ASB14: variants seen among roughly 807,000 people sequenced by gnomAD.
ASB14 encodes ankyrin repeat and SOCS box containing 14, also known as ankyrin repeat and SOCS box protein 14.
A neutral mutation model predicts 55.6 loss-of-function variants in ASB14; 63 were observed. The ratio of observed to expected loss-of-function variants is 1.13; its 90% CI spans 0.92 to 1.40. ASB14 has a LOEUF of 1.40. Ranked by LOEUF, ASB14 falls within the 40% of genes most tolerant of loss-of-function variation. The pLI is 0.00. For synonymous variants in ASB14, 256 were observed against 259.9 expected (o/e 0.98, Z 0.15); for missense variants, 724 against 710.4 (o/e 1.02, Z -0.22).
chr3:57,279,928 G>C (rs749648879), intron 7 of ASB14, among the ~76,000 whole-genome samples: 3 of 152,024 alleles, frequency 2.0e-5, no homozygotes, highest in African/African-American at 7.3e-5. Flanking sequence ...GGGGGGAACC[G>C]TGTTAATTAC....
In ASB14 at chr3:57,292,050, T is replaced by TTTA; in HGVS notation, c.-20_-18dup. 1.3e-6 allele frequency: 2 copies of TTTA among 1,532,984 alleles called. No homozygotes were observed. 95.0% of individuals were successfully genotyped at this position (1,532,984 alleles called of 1,614,324 possible). On this transcript the variant is annotated 5_prime_UTR_variant, in exon 2 of 11. Coordinates refer to ENST00000487349, the MANE Select transcript of ASB14 (RefSeq NM_001142733.3). ...ATTATCCATGTGAAACGTGGACAGG[T>TTTA]TTACTTTAAAGTCAGAGTGAATTAA...
At chr3:57,289,879 C>T (rs569771987) in intron 2 of ASB14, among the ~76,000 whole-genome samples, 1 of 151,940 alleles carries the variant, frequency 6.6e-6, no homozygotes, top group Non-Finnish European at 1.5e-5. Flanking sequence ...GATCTCCTGA[C>T]CTCGTGATCT....
chr3:57,285,465 G>A (rs2107627287), intron 5 of ASB14, among the ~76,000 whole-genome samples: 1 of 152,166 alleles, frequency 6.6e-6, no homozygotes, highest in East Asian at 1.9e-4. Context: ...CATAGAAAAT[G>A]AGGATTTAAC....
intron 10 of ASB14, chr3:57,270,470 A>C (rs561994769): frequency 6.5e-6 from 1 of 152,764 alleles, no homozygotes; most frequent in South Asian, 2.1e-4. Flanking sequence ...ATTTTTGTTC[A>C]ATACATTTTA....
chr3:57,269,752 G>A, intron 10 of ASB14, 134 bp from the exon 11 acceptor site: 6 of 1,538,732 alleles, frequency 3.9e-6, no homozygotes, highest in Non-Finnish European at 5.4e-6. Context: ...ATGGCAGAAG[G>A]TAACAACTAT....
At chr3:57,290,531 T>C (rs2061120590) in intron 2 of ASB14, among the ~76,000 whole-genome samples, 1 of 152,210 alleles carries the variant, frequency 6.6e-6, no homozygotes, top group South Asian at 2.1e-4. Context: ...CATGTAAGGT[T>C]CCAGAAATTA....
At position 57,277,797 on chromosome 3, in the gene ASB14, C is replaced by T. The variant is rs367545007; in HGVS notation, c.1555G>A (p.Gly519Arg). 1.9e-6 allele frequency: 3 copies of T among 1,612,440 alleles called. No homozygotes were observed. Among genetic ancestry groups the T allele is most frequent in the Middle Eastern group, 1.7e-4 (1 of 6,056 alleles). ...ATAAAATGTATTTCTGACCAGATCC[C>T]CTGTTTTTGGAGCACAGCTTTCAAC... ...SKLKAVLQKQGIWSEIHFILT... is the reference protein window; with the variant it reads ...SKLKAVLQKQRIWSEIHFILT... The change falls in exon 9 of 11, where the codon GGG (glycine) becomes AGG (arginine). Residue 519 changes from glycine (G) to arginine (R), a missense_variant. Gly to Arg is a moderately radical substitution (Grantham distance 125, BLOSUM62 -2). Coordinates refer to ENST00000487349, the MANE Select transcript of ASB14 (RefSeq NM_001142733.3).
At chr3:57,284,530 G>A (rs927314464) in intron 5 of ASB14, among the ~76,000 whole-genome samples, 3 of 152,046 alleles carry the variant, frequency 2.0e-5, no homozygotes, top group Admixed American at 6.6e-5. Context: ...TTTTTAACCC[G>A]GCATTTTCCA....
intron 6 of ASB14, among the ~76,000 whole-genome samples, 187 bp from the exon 7 acceptor site, chr3:57,280,660 A>T (rs2061033048): frequency 1.3e-5 from 2 of 152,050 alleles, no homozygotes; most frequent in African/African-American, 4.8e-5. Context: ...GTTGGGGAAG[A>T]AAAAAATGGC....
At chr3:57,277,021 T>C (rs992095218) in intron 9 of ASB14, among the ~76,000 whole-genome samples, 4 of 152,086 alleles carry the variant, frequency 2.6e-5, no homozygotes, top group African/African-American at 9.7e-5. Flanking sequence ...ATCCCAGCAC[T>C]CTGGGAGGCC....
chr3:57,287,911 A>T lies in ASB14; in HGVS notation c.459T>A (p.Pro153=), dbSNP rs1579436227. The change falls in exon 5 of 11, where the codon CCT becomes CCA. Residue 153 remains proline, a synonymous_variant. Coordinates refer to ENST00000487349, the MANE Select transcript of ASB14 (RefSeq NM_001142733.3). The stretch of plus-strand genomic sequence containing the variant: ...AATGTATTCATTTACCTGCAAGAAG[A>T]GGAGAATTGCCTTCGAAATTCTTAG... ...PNAKNFEGNS[P]LLAAVLRDCY... is the part of the protein sequence containing the mutation. The T allele has an allele frequency of 1.3e-6, 2 of 1,537,146 alleles. No individual in the cohort carries two copies. Among genetic ancestry groups the T allele is most frequent in the East Asian group, 4.9e-5 (2 of 40,918 alleles).
At position 57,287,936 on chromosome 3, in the gene ASB14, G is replaced by A. The variant is rs140921847; in HGVS notation, c.434C>T (p.Ala145Val). Residue 145 changes from alanine to valine, a missense_variant, in exon 5 of 11, where the codon GCT (alanine) becomes GTT (valine). Transcript: ENST00000487349. ...FLLLNGCNPN[A>V]KNFEGNSPLL... is the part of the protein sequence containing the mutation. ...AGGAGAATTGCCTTCGAAATTCTTAGCATTTGGATTGCAGCCATTGAGAAG... is the reference window on the plus strand; with the variant it reads ...AGGAGAATTGCCTTCGAAATTCTTAACATTTGGATTGCAGCCATTGAGAAG... The A allele has an allele frequency of 9.1e-6, 14 of 1,537,254 alleles. No homozygotes were observed. The highest frequency in any genetic ancestry group is 1.0e-5 in the Non-Finnish European group (12 of 1,146,896).
intron 2 of ASB14, among the ~76,000 whole-genome samples, chr3:57,290,714 AAT>A (rs949673822): frequency 1.3e-5 from 2 of 152,234 alleles, no homozygotes; most frequent in African/African-American, 4.8e-5. Flanking sequence ...GAAACATTTC[AAT>A]ACTCTCCTTA....
intron 10 of ASB14, among the ~76,000 whole-genome samples, chr3:57,275,145 T>A (rs914323763): frequency 3.3e-5 from 5 of 152,090 alleles, no homozygotes; most frequent in African/African-American, 7.2e-5. Flanking sequence ...TTCAGTTACC[T>A]GCGGCCCAAA....
chr3:57,283,447 A>T lies in ASB14; in HGVS notation c.470-8T>A, dbSNP rs2061054857. 1 of 1,550,170 alleles carries T rather than the reference A, an allele frequency of 6.5e-7. No homozygotes were observed. Among genetic ancestry groups the T allele is most frequent in the African/African-American group, 1.4e-5 (1 of 73,022 alleles). On this transcript the variant is annotated splice_region_variant and splice_polypyrimidine_tract_variant and intron_variant, in intron 5 of 10. Coordinates refer to ENST00000487349, the MANE Select transcript of ASB14 (RefSeq NM_001142733.3). The stretch of plus-strand genomic sequence containing the variant: ...AGCAGTCACGCAGCACAGCTGGGAA[A>T]TGAGAAGTGTGGTGGGCATGTTCAA...
At chr3:57,287,401 T>G (rs942027276) in intron 5 of ASB14, among the ~76,000 whole-genome samples, 4 of 152,078 alleles carry the variant, frequency 2.6e-5, no homozygotes, top group African/African-American at 9.7e-5. Flanking sequence ...CTGGGCAGTC[T>G]CAATTATGTT....
chr3:57,283,795 AC>A (rs1482085675), intron 5 of ASB14, among the ~76,000 whole-genome samples: 2 of 151,902 alleles, frequency 1.3e-5, no homozygotes, highest in African/African-American at 2.4e-5. Context: ...AAGAAAAAAA[AC>A]AAACAAAAGA....
intron 10 of ASB14, 170 bp from the exon 11 acceptor site, chr3:57,269,788 G>A: frequency 7.6e-7 from 1 of 1,318,126 alleles, no homozygotes; most frequent in Non-Finnish European, 1.0e-6. Context: ...AGGAGATTAA[G>A]CTTTATATTT....
At chr3:57,275,624 T>C (rs894764586) in intron 10 of ASB14, among the ~76,000 whole-genome samples, 4 of 152,166 alleles carry the variant, frequency 2.6e-5, no homozygotes, top group African/African-American at 7.2e-5. Flanking sequence ...AGGGCATGCA[T>C]GTACAGTTGT....
Sources: gnomAD v4.1 joint callset for allele counts (sites outside exome capture counted in the v4.1 genomes callset) on GRCh38, gnomAD v4.1.1 for gene constraint, MANE v1.5 for transcripts, NCBI Gene and HGNC (gene_info 2026-07-23, HGNC 2026-07-21) for gene names.